The following EYA1 variants were observed in gnomAD, a reference collection of about 807,000 sequenced individuals.
The protein encoded by EYA1 is EYA transcriptional coactivator and phosphatase 1.
EYA1 carries 16 observed loss-of-function variants against 82.0 expected under a neutral mutation model. That is an observed-to-expected ratio of 0.20 (90% CI 0.13 to 0.30). The LOEUF (loss-of-function observed/expected upper bound fraction) is 0.30, where lower values mean the gene tolerates loss of function less well. Among genes scored for constraint, EYA1 ranks in the 10% least tolerant of loss-of-function variants. EYA1 has a pLI of 1.00. For missense variants in EYA1, 633 were observed against 730.7 expected (o/e 0.87, Z 1.54); for synonymous variants, 261 against 264.4 (o/e 0.99, Z 0.12).
At chr8:71,204,710 A>G (rs1038540565) in intron 17 of EYA1, among the ~76,000 whole-genome samples, 1 of 152,222 alleles carries the variant, frequency 6.6e-6, no homozygotes, top group Non-Finnish European at 1.5e-5. Flanking sequence ...AAAAATACTT[A>G]TTTGTGCTTT....
chr8:71,458,827 G>A (rs577642597), intron 2 of EYA1, among the ~76,000 whole-genome samples: 2 of 152,202 alleles, frequency 1.3e-5, no homozygotes, highest in African/African-American at 2.4e-5. Flanking sequence ...AGATGTTAAC[G>A]AGGCAATTGG....
chr8:71,290,265 T>G (rs1818852440), intron 9 of EYA1, among the ~76,000 whole-genome samples: 1 of 152,172 alleles, frequency 6.6e-6, no homozygotes, highest in Admixed American at 6.5e-5. Flanking sequence ...CACTCATAAC[T>G]TTGTCCTCTT....
intron 2 of EYA1, among the ~76,000 whole-genome samples, chr8:71,493,319 T>A (rs1724066857): frequency 6.6e-6 from 1 of 152,222 alleles, no homozygotes; most frequent in African/African-American, 2.4e-5. Context: ...TATTATCTTG[T>A]TCTTTCTTCC....
intron 12 of EYA1, among the ~76,000 whole-genome samples, chr8:71,233,829 G>A (rs1811517208): frequency 6.6e-6 from 1 of 152,036 alleles, no homozygotes; most frequent in Non-Finnish European, 1.5e-5. Context: ...TAAAGGTAAT[G>A]CTCATCATTG....
intron 2 of EYA1, among the ~76,000 whole-genome samples, chr8:71,418,405 G>T (rs1830968152): frequency 6.6e-6 from 1 of 152,068 alleles, no homozygotes; most frequent in African/African-American, 2.4e-5. Context: ...TTTTCAGTCT[G>T]CCCCAGTGTC....
chr8:71,215,402 T>C lies in EYA1; in HGVS notation c.1582A>G (p.Ser528Gly). The C allele has an allele frequency of 6.2e-7, 1 of 1,613,000 alleles. No individual in the cohort carries two copies. Among genetic ancestry groups the C allele is most frequent in the Non-Finnish European group, 8.5e-7 (1 of 1,179,010 alleles). Residue 528 changes from serine (S) to glycine (G), a missense_variant, in exon 16 of 18, where the codon AGT (serine) becomes GGT (glycine). Coordinates refer to ENST00000340726, the MANE Select transcript of EYA1 (RefSeq NM_000503.6). ...AGCAGCTCACCTATTTTAGTTGCAC[T>C]GTAAATATTTTCTATTGGAAATACA... ...GIVFPIENIY[S>G]ATKIGKESCF...
At chr8:71,430,405 C>A (rs1409340951) in intron 2 of EYA1, among the ~76,000 whole-genome samples, 1 of 152,154 alleles carries the variant, frequency 6.6e-6, no homozygotes, top group Non-Finnish European at 1.5e-5. Flanking sequence ...ACAATCTGTT[C>A]GCTATACTTG....
intron 3 of EYA1, among the ~76,000 whole-genome samples, chr8:71,350,347 G>A (rs1826181098): frequency 6.6e-6 from 1 of 152,022 alleles, no homozygotes; most frequent in Non-Finnish European, 1.5e-5. Context: ...AACAAATCCA[G>A]ATAATTTACT....
chr8:71,390,651 T>C (rs1829225424), intron 2 of EYA1, among the ~76,000 whole-genome samples: 1 of 152,206 alleles, frequency 6.6e-6, no homozygotes, highest in Admixed American at 6.5e-5. Flanking sequence ...GAAGTAATTT[T>C]AAAACTATAG....
At chr8:71,383,935 A>G (rs1828843532) in intron 2 of EYA1, among the ~76,000 whole-genome samples, 1 of 152,094 alleles carries the variant, frequency 6.6e-6, no homozygotes, top group Non-Finnish European at 1.5e-5. Context: ...TTTTAAAACT[A>G]TTTCAAATTT....
At chr8:71,269,896 G>A (rs995313832) in intron 10 of EYA1, 73 bp from the exon 11 acceptor site, 27 of 1,104,820 alleles carry the variant, frequency 2.4e-5, no homozygotes, top group Non-Finnish European at 3.6e-5. Context: ...ACTTCAACAC[G>A]AAAAAGTCAT....
chr8:71,379,519 G>T (rs1013341722), intron 2 of EYA1, among the ~76,000 whole-genome samples: 3 of 152,112 alleles, frequency 2.0e-5, no homozygotes, highest in African/African-American at 7.2e-5. Flanking sequence ...GAGGGGTTTT[G>T]TTGTTGTTAG....
chr8:71,273,549 T>C (rs569570630), intron 9 of EYA1, among the ~76,000 whole-genome samples: 1 of 152,334 alleles, frequency 6.6e-6, no homozygotes, highest in East Asian at 1.9e-4. Context: ...GAATTTTAAG[T>C]AGTCAAGTGG....
At chr8:71,303,411 T>G (rs1820408678) in intron 7 of EYA1, among the ~76,000 whole-genome samples, 1 of 142,562 alleles carries the variant, frequency 7.0e-6, no homozygotes, top group Admixed American at 7.0e-5. Context: ...TAATTATATG[T>G]AAACTAGTCC....
intron 2 of EYA1, among the ~76,000 whole-genome samples, chr8:71,517,707 CTATATATA>C (rs60132408): frequency 2.1e-5 from 3 of 141,648 alleles, no homozygotes; most frequent in Non-Finnish European, 4.6e-5. Context: ...GGAAAACATA[CTATATATA>C]TATATATATA....
rs1312926301 is a variant in EYA1 at position 71,199,152 on chromosome 8, C to T, written c.*188G>A. 6 of 658,430 alleles carry T rather than the reference C, an allele frequency of 9.1e-6. No individual in the cohort carries two copies. The highest frequency in any genetic ancestry group is 1.7e-5 in the South Asian group (1 of 59,574). 40.8% of individuals were successfully genotyped at this position (658,430 alleles called of 1,614,324 possible). A position where few individuals can be genotyped will look rare whatever the true frequency, so the allele number is the denominator to read the frequency against. On this transcript the variant is annotated 3_prime_UTR_variant, in exon 18 of 18. Transcript: ENST00000340726. Reference sequence around the variant, plus strand: ...ACTGGATTCACAGTACTAGAGTCAACAGCTGTTCTGATGAAATAGACGTGG... The same window carrying T: ...ACTGGATTCACAGTACTAGAGTCAATAGCTGTTCTGATGAAATAGACGTGG...
At chr8:71,321,118 A>G (rs1444099595) in intron 6 of EYA1, among the ~76,000 whole-genome samples, 3 of 152,170 alleles carry the variant, frequency 2.0e-5, no homozygotes, top group Non-Finnish European at 4.4e-5. Context: ...ACAGGTATTG[A>G]CCCATAAAAA....
Position 71,273,539 on chromosome 8 carries a change from G to C in EYA1, c.827-1642C>G, listed in dbSNP as rs367809691. On this transcript the variant is annotated intron_variant, in intron 9 of 17. Transcript: ENST00000340726. The stretch of plus-strand genomic sequence containing the variant: ...GAGAATCAGCAGCTCCAAATGAGTA[G>C]AATTTTAAGTAGTCAAGTGGATTCA... Among the ~76,000 whole-genome samples, 8 of 152,336 alleles carry C rather than the reference G, an allele frequency of 5.3e-5. No individual in the cohort carries two copies. The South Asian group carries it at 1.0e-3, about 20-fold the overall frequency.
chr8:71,472,905 A>G (rs1387474890), intron 2 of EYA1, among the ~76,000 whole-genome samples: 1 of 151,254 alleles, frequency 6.6e-6, no homozygotes, highest in Non-Finnish European at 1.5e-5. Flanking sequence ...AAAACACTGT[A>G]TAATTGGGGT....
Sources: gnomAD v4.1 joint callset for allele counts (sites outside exome capture counted in the v4.1 genomes callset) on GRCh38, gnomAD v4.1.1 for gene constraint, MANE v1.5 for transcripts, NCBI Gene and HGNC (gene_info 2026-07-23, HGNC 2026-07-21) for gene names.